The following FAM174A variants were observed in gnomAD, a reference collection of about 807,000 sequenced individuals.
FAM174A encodes family with sequence similarity 174 member A, also known as membrane protein FAM174A.
In FAM174A, 14 loss-of-function variants were observed where a neutral mutation model predicts 14.3. The ratio of observed to expected loss-of-function variants is 0.98; its 90% CI spans 0.65 to 1.53. FAM174A has a LOEUF of 1.53. FAM174A is among the 40% of genes most tolerant of loss of function. FAM174A has a pLI of 0.00. For missense variants in FAM174A, 241 were observed against 249.6 expected, an observed-to-expected ratio of 0.97 and a Z score of 0.23; for synonymous variants, 108 against 111.4, an observed-to-expected ratio of 0.97 and a Z score of 0.19.
intron 2 of FAM174A, among the ~76,000 whole-genome samples, chr5:100,571,663 T>G (rs1296825858): frequency 2.8e-5 from 3 of 108,220 alleles, no homozygotes; most frequent in Non-Finnish European, 5.5e-5. Context: ...TATACCTAAG[T>G]GTGTGTGTGT....
chr5:100,545,649 A>G (rs1746151051), intron 1 of FAM174A, among the ~76,000 whole-genome samples: 1 of 152,148 alleles, frequency 6.6e-6, no homozygotes, highest in Non-Finnish European at 1.5e-5. Context: ...AAAAGATAAA[A>G]CTGTCTCTAT....
chr5:100,555,343 G>A (rs888831167), intron 1 of FAM174A, among the ~76,000 whole-genome samples: 2 of 152,096 alleles, frequency 1.3e-5, no homozygotes, highest in African/African-American at 4.8e-5. Context: ...GGACATTTGG[G>A]TTGGTTCCAA....
intron 1 of FAM174A, among the ~76,000 whole-genome samples, chr5:100,543,799 T>C (rs1746112852): frequency 6.6e-6 from 1 of 152,294 alleles, no homozygotes; most frequent in East Asian, 1.9e-4. Context: ...GCAAGTACAT[T>C]TTTCAAGGAT....
At chr5:100,568,752 G>T (rs60981587) in intron 2 of FAM174A, among the ~76,000 whole-genome samples, 1 of 151,718 alleles carries the variant, frequency 6.6e-6, no homozygotes, top group African/African-American at 2.4e-5. Flanking sequence ...ATGAAAGTTT[G>T]CAGTTTTCTC....
chr5:100,573,776 T>A (rs1454652067), intron 2 of FAM174A, among the ~76,000 whole-genome samples: 2 of 151,094 alleles, frequency 1.3e-5, no homozygotes, highest in East Asian at 3.9e-4. Flanking sequence ...AAGTCAATCC[T>A]AAGCCAAAAG....
At chr5:100,563,924 C>T (rs1360383375) in intron 2 of FAM174A, among the ~76,000 whole-genome samples, 3 of 151,840 alleles carry the variant, frequency 2.0e-5, no homozygotes, top group Non-Finnish European at 2.9e-5. Flanking sequence ...TGTAACCCTC[C>T]ATGCTGAAAT....
At chr5:100,553,250 C>T (rs982556666) in intron 1 of FAM174A, among the ~76,000 whole-genome samples, 1 of 151,870 alleles carries the variant, frequency 6.6e-6, no homozygotes, top group Non-Finnish European at 1.5e-5. Flanking sequence ...ACAAAGTAGC[C>T]TTTTTACTTA....
chr5:100,559,370 A>G (rs1376024228), intron 1 of FAM174A, among the ~76,000 whole-genome samples: 3 of 151,784 alleles, frequency 2.0e-5, no homozygotes, highest in East Asian at 1.9e-4. Context: ...TGTGCTTAAC[A>G]TTTTTTCCTT....
At chr5:100,551,351 G>A (rs1580366233) in intron 1 of FAM174A, among the ~76,000 whole-genome samples, 3 of 152,106 alleles carry the variant, frequency 2.0e-5, no homozygotes, top group African/African-American at 4.8e-5. Flanking sequence ...GTCCCTAGCC[G>A]ATGACTGAGT....
chr5:100,586,131 A>T (rs772592608), intron 2 of FAM174A, 50 bp from the exon 3 acceptor site: 2 of 1,036,924 alleles, frequency 1.9e-6, no homozygotes, highest in Admixed American at 2.3e-5. Flanking sequence ...AAATGTTTTT[A>T]AAATTGTTCT....
intron 2 of FAM174A, among the ~76,000 whole-genome samples, chr5:100,579,783 T>C (rs1192881140): frequency 6.6e-6 from 1 of 152,216 alleles, no homozygotes; most frequent in Non-Finnish European, 1.5e-5. Flanking sequence ...ACTTTTTCAC[T>C]GTGCTTTCTT....
intron 2 of FAM174A, among the ~76,000 whole-genome samples, chr5:100,566,519 G>A (rs1746655187): frequency 1.3e-5 from 2 of 151,870 alleles, no homozygotes; most frequent in South Asian, 4.1e-4. Flanking sequence ...GTACAGCAAT[G>A]TGAATATAGT....
intron 1 of FAM174A, among the ~76,000 whole-genome samples, chr5:100,559,386 C>T (rs1173860900): frequency 6.6e-6 from 1 of 152,106 alleles, no homozygotes; most frequent in Non-Finnish European, 1.5e-5. Flanking sequence ...TCCTTCATTT[C>T]AACTTTGGTG....
At chr5:100,539,828 TA>T (rs1355291541) in intron 1 of FAM174A, among the ~76,000 whole-genome samples, 16 of 152,350 alleles carry the variant, frequency 1.1e-4, no homozygotes, top group African/African-American at 3.8e-4. Flanking sequence ...ATAAAGTGGA[TA>T]GTATATGCCC....
chr5:100,560,232 G>T (rs1033907870), intron 1 of FAM174A, among the ~76,000 whole-genome samples: 2 of 152,062 alleles, frequency 1.3e-5, no homozygotes, highest in Non-Finnish European at 1.5e-5. Context: ...CTGTTTGCCT[G>T]GGTTTTTTAT....
chr5:100,581,525 GGC>G, intron 2 of FAM174A: 1 of 257,442 alleles, frequency 3.9e-6, no homozygotes, highest in Non-Finnish European at 6.1e-6. Flanking sequence ...GGCCAAGGTG[GGC>G]GGATCACTTG....
intron 1 of FAM174A, among the ~76,000 whole-genome samples, chr5:100,555,449 C>T (rs372662848): frequency 9.9e-5 from 15 of 152,106 alleles, no homozygotes; most frequent in East Asian, 5.8e-4. Flanking sequence ...TACCCAGTAA[C>T]GGGATGGCTG....
chr5:100,543,952 G>T (rs563354861), intron 1 of FAM174A, among the ~76,000 whole-genome samples: 1 of 152,270 alleles, frequency 6.6e-6, no homozygotes, highest in South Asian at 2.1e-4. Context: ...ATTTCCAGGG[G>T]ACTATAATAG....
rs1336487357 is a variant in FAM174A at position 100,535,726 on chromosome 5, C to A, written c.196C>A (p.Pro66Thr). The A allele has an allele frequency of 6.2e-7, 1 of 1,604,696 alleles. No homozygotes were observed. The highest frequency in any genetic ancestry group is 1.3e-5 in the African/African-American group (1 of 74,846). The change falls in exon 1 of 3, where the codon CCG becomes ACG. Residue 66 changes from proline to threonine, a missense_variant. Coordinates refer to ENST00000312637, the MANE Select transcript of FAM174A (RefSeq NM_198507.3). ...LPPGPTPAQQPGRGLAEAAGP... is the reference protein window; with the variant it reads ...LPPGPTPAQQTGRGLAEAAGP... ...ACCGGGCCCTACCCCTGCCCAGCAG[C>A]CGGGCCGTGGTCTGGCTGAAGCTGC...
Sources: gnomAD v4.1 joint callset for allele counts (sites outside exome capture counted in the v4.1 genomes callset) on GRCh38, gnomAD v4.1.1 for gene constraint, MANE v1.5 for transcripts, NCBI Gene and HGNC (gene_info 2026-07-23, HGNC 2026-07-21) for gene names.